SDHC: variants seen among roughly 807,000 people sequenced by gnomAD.
The protein encoded by SDHC is succinate dehydrogenase cytochrome b560 subunit, mitochondrial.
Under a neutral mutation model 22.6 loss-of-function variants are expected in SDHC, and 11 were observed. The ratio of observed to expected loss-of-function variants is 0.49; its 90% CI spans 0.31 to 0.81. The LOEUF (loss-of-function observed/expected upper bound fraction) is 0.81, where lower values mean the gene tolerates loss of function less well. SDHC is among the 30% of genes least tolerant of loss of function. The pLI is 0.05. For missense variants in SDHC, 160 were observed against 212.0 expected, an observed-to-expected ratio of 0.75 and a Z score of 1.52; for synonymous variants, 80 against 77.8, an observed-to-expected ratio of 1.03 and a Z score of -0.15.
chr1:161,337,730 A>G (rs1301512213), intron 3 of SDHC, among the ~76,000 whole-genome samples: 1 of 152,166 alleles, frequency 6.6e-6, no homozygotes, highest in Non-Finnish European at 1.5e-5. Context: ...CCCATTTTGT[A>G]TATCAGTATT....
chr1:161,320,773 C>T (rs1454140813), intron 1 of SDHC, among the ~76,000 whole-genome samples: 1 of 151,740 alleles, frequency 6.6e-6, no homozygotes, highest in East Asian at 1.9e-4. Flanking sequence ...ACTGAAAACG[C>T]TGAAGCTCAA....
intron 4 of SDHC, among the ~76,000 whole-genome samples, chr1:161,342,387 TC>T (rs1671750914): frequency 6.6e-6 from 1 of 152,214 alleles, no homozygotes; most frequent in Admixed American, 6.5e-5. Context: ...AGACTTCTGT[TC>T]CAAGTTGATA....
rs1259360203 is a variant in SDHC at position 161,363,199 on chromosome 1, C to T, written c.*766C>T. On this transcript the variant is annotated 3_prime_UTR_variant, in exon 6 of 6. Coordinates refer to ENST00000367975, the MANE Select transcript of SDHC (RefSeq NM_003001.5). ...AAATACTCATTTTATCTTTGACTCT[C>T]CTTGAAATCTAGAGAAACCAAGAAA... The T allele has an allele frequency of 4.3e-6, 1 of 233,404 alleles. No homozygotes were observed. The highest frequency in any genetic ancestry group is 8.5e-6 in the Non-Finnish European group (1 of 118,224). 14.5% of individuals were successfully genotyped at this position (233,404 alleles called of 1,614,324 possible).
intron 4 of SDHC, among the ~76,000 whole-genome samples, chr1:161,353,529 A>G (rs544156180): frequency 7.9e-5 from 12 of 152,320 alleles, no homozygotes; most frequent in Admixed American, 2.0e-4. Flanking sequence ...CCAAATGTTC[A>G]TCAAACTGTT....
intron 3 of SDHC, among the ~76,000 whole-genome samples, chr1:161,330,469 C>G (rs1671232008): frequency 1.3e-5 from 2 of 152,182 alleles, no homozygotes; most frequent in African/African-American, 4.8e-5. Context: ...AGGCAAACAC[C>G]ATTTGATTTC....
At chr1:161,361,621 C>T (rs560711491) in intron 5 of SDHC, among the ~76,000 whole-genome samples, 14 of 152,248 alleles carry the variant, frequency 9.2e-5, no homozygotes, top group Non-Finnish European at 1.5e-4. Context: ...GGGCAGATCA[C>T]GAGATCAGGA....
At chr1:161,347,832 C>T (rs1671954047) in intron 4 of SDHC, among the ~76,000 whole-genome samples, 1 of 152,026 alleles carries the variant, frequency 6.6e-6, no homozygotes. Flanking sequence ...CGCCACTGCA[C>T]TCCAGCCTGG....
At chr1:161,319,974 T>C (rs1267409051) in intron 1 of SDHC, among the ~76,000 whole-genome samples, 2 of 152,194 alleles carry the variant, frequency 1.3e-5, no homozygotes. Flanking sequence ...TTGGATCTTA[T>C]ACTGTAAGCA....
intron 3 of SDHC, among the ~76,000 whole-genome samples, chr1:161,329,635 G>A (rs1237095560): frequency 2.0e-5 from 3 of 152,200 alleles, no homozygotes; most frequent in Non-Finnish European, 4.4e-5. Context: ...CCCAGTCCCT[G>A]TATTTGTTTT....
chr1:161,336,537 G>C (rs1194366893), intron 3 of SDHC, among the ~76,000 whole-genome samples: 2 of 152,020 alleles, frequency 1.3e-5, no homozygotes, highest in Non-Finnish European at 2.9e-5. Flanking sequence ...TATATTTAAA[G>C]CCGTGGCCTT....
intron 3 of SDHC, among the ~76,000 whole-genome samples, chr1:161,336,356 G>A (rs564803552): frequency 2.0e-5 from 3 of 152,202 alleles, no homozygotes; most frequent in African/African-American, 7.2e-5. Flanking sequence ...TCAGGAGTCT[G>A]AGGCAGGAGA....
intron 3 of SDHC, among the ~76,000 whole-genome samples, chr1:161,329,268 A>G (rs1249991657): frequency 6.6e-6 from 1 of 152,160 alleles, no homozygotes; most frequent in African/African-American, 2.4e-5. Context: ...ACATGTCTGA[A>G]TGATACAAGA....
intron 4 of SDHC, among the ~76,000 whole-genome samples, chr1:161,348,837 C>G (rs1404316717): frequency 6.6e-6 from 1 of 150,910 alleles, no homozygotes; most frequent in Non-Finnish European, 1.5e-5. Context: ...GACTCTGTCT[C>G]AAAAATAAAT....
chr1:161,355,984 C>CAAA (rs60684612), intron 4 of SDHC, among the ~76,000 whole-genome samples: 2 of 88,360 alleles, frequency 2.3e-5, no homozygotes, highest in East Asian at 3.7e-4. Context: ...GACTCTGTCT[C>CAAA]AAAAAAAAAA....
chr1:161,327,923 T>TG (rs556355509), intron 2 of SDHC, among the ~76,000 whole-genome samples: 1 of 152,108 alleles, frequency 6.6e-6, no homozygotes, highest in South Asian at 2.1e-4. Context: ...TATAACAAGA[T>TG]GGAGTCGATT....
intron 5 of SDHC, among the ~76,000 whole-genome samples, chr1:161,359,215 CAGAT>C (rs1241244765): frequency 6.6e-6 from 1 of 152,076 alleles, no homozygotes; most frequent in East Asian, 1.9e-4. Flanking sequence ...AGTCAACTGT[CAGAT>C]GGATGCTTTT....
chr1:161,328,650 A>G (rs1305425616), intron 3 of SDHC, among the ~76,000 whole-genome samples, 153 bp downstream of exon 3: 3 of 152,234 alleles, frequency 2.0e-5, no homozygotes, highest in Admixed American at 6.5e-5. Flanking sequence ...GGGAGATGAC[A>G]TAAGGATTAT....
At chr1:161,341,008 T>A (rs1411110747) in intron 4 of SDHC, among the ~76,000 whole-genome samples, 1 of 152,092 alleles carries the variant, frequency 6.6e-6, no homozygotes, top group African/African-American at 2.4e-5. Context: ...CACGCCTGGC[T>A]AAATTTTTGT....
chr1:161,331,594 CTTTT>C (rs376565137), intron 3 of SDHC, among the ~76,000 whole-genome samples: 6 of 132,658 alleles, frequency 4.5e-5, no homozygotes, highest in Non-Finnish European at 8.1e-5. Context: ...CAGTAAATAT[CTTTT>C]TTTTTTTTTT....
Sources: gnomAD v4.1 joint callset for allele counts (sites outside exome capture counted in the v4.1 genomes callset) on GRCh38, gnomAD v4.1.1 for gene constraint, MANE v1.5 for transcripts, NCBI Gene and HGNC (gene_info 2026-07-23, HGNC 2026-07-21) for gene names.